GRIK2: variants seen among roughly 807,000 people sequenced by gnomAD.
GRIK2 encodes glutamate ionotropic receptor kainate type subunit 2, also known as glutamate receptor ionotropic, kainate 2.
A neutral mutation model predicts 100.3 loss-of-function variants in GRIK2; 32 were observed. That is an observed-to-expected ratio of 0.32 (90% CI 0.24 to 0.43). The LOEUF (loss-of-function observed/expected upper bound fraction) is 0.43. Among genes scored for constraint, GRIK2 ranks in the 20% least tolerant of loss-of-function variants. The pLI is 1.00. For synonymous variants in GRIK2, 417 were observed against 389.4 expected, an observed-to-expected ratio of 1.07 and a Z score of -0.83; for missense variants, 843 against 1,114.9, an observed-to-expected ratio of 0.76 and a Z score of 3.47.
At chr6:101,567,044 C>T (rs189669182) in intron 2 of GRIK2, among the ~76,000 whole-genome samples, 8 of 150,924 alleles carry the variant, frequency 5.3e-5, no homozygotes, top group Admixed American at 1.3e-4. Flanking sequence ...AATTACAGAG[C>T]GAGGAAGCTA....
At chr6:101,605,525 TA>T (rs1246137701) in intron 2 of GRIK2, among the ~76,000 whole-genome samples, 4 of 151,954 alleles carry the variant, frequency 2.6e-5, no homozygotes, top group Non-Finnish European at 5.9e-5. Flanking sequence ...GTATTTAAAA[TA>T]AAAAAAGCTT....
chr6:101,958,146 A>T (rs749406963), intron 14 of GRIK2, among the ~76,000 whole-genome samples: 7 of 152,118 alleles, frequency 4.6e-5, no homozygotes, highest in Non-Finnish European at 7.4e-5. Context: ...CTATGAGCAT[A>T]GAATGTTTTT....
chr6:101,939,907 G>A (rs1790854167), intron 14 of GRIK2, among the ~76,000 whole-genome samples: 2 of 152,006 alleles, frequency 1.3e-5, no homozygotes, highest in African/African-American at 2.4e-5. Flanking sequence ...TATTAAACAC[G>A]ACCTTTTTTA....
At chr6:101,992,587 C>T (rs760429639) in intron 14 of GRIK2, among the ~76,000 whole-genome samples, 8 of 151,174 alleles carry the variant, frequency 5.3e-5, no homozygotes, top group East Asian at 3.9e-4. Flanking sequence ...TTGGTAAAGA[C>T]GAAAAAAGAA....
chr6:101,439,668 A>G (rs983369490), intron 2 of GRIK2, among the ~76,000 whole-genome samples: 1 of 152,118 alleles, frequency 6.6e-6, no homozygotes, highest in East Asian at 1.9e-4. Context: ...GTAAATATGT[A>G]TATTGATAAT....
Position 101,856,812 on chromosome 6 carries a change from C to T in GRIK2, c.1318-2475C>T, listed in dbSNP as rs376632577. On this transcript the variant is annotated intron_variant, in intron 10 of 16. Coordinates refer to ENST00000369134, the MANE Select transcript of GRIK2 (RefSeq NM_021956.5). ...AATGCAGGCTGCAGTTTTGACCATG[C>T]GGAAGAGAGACTAGACTTCAATGAG... 7.7e-4 allele frequency among the ~76,000 whole-genome samples: 117 copies of T among 151,794 alleles called. 3 individuals carry two copies. The South Asian group carries it at 0.024, about 31-fold the overall frequency.
intron 12 of GRIK2, among the ~76,000 whole-genome samples, chr6:101,892,289 C>G (rs1321329524): frequency 6.6e-6 from 1 of 152,062 alleles, no homozygotes; most frequent in Non-Finnish European, 1.5e-5. Flanking sequence ...AAGTTAGATT[C>G]AAAGCAAATA....
At chr6:102,064,273 TCTCCTTCTCTTCTCCTTCTC>T (rs1165909240) in intron 16 of GRIK2, among the ~76,000 whole-genome samples, 1 of 149,230 alleles carries the variant, frequency 6.7e-6, no homozygotes, top group African/African-American at 2.4e-5. Flanking sequence ...TCCCTCTCCT[TCTCCTTCTCTTCTCCTTCTC>T]CTCCTTCTCC....
intron 15 of GRIK2, among the ~76,000 whole-genome samples, chr6:102,050,006 C>A (rs148091185): frequency 9.9e-5 from 15 of 152,064 alleles, no homozygotes; most frequent in Admixed American, 5.2e-4. Context: ...GAATAAGCCT[C>A]CCTCAGAATT....
intron 2 of GRIK2, among the ~76,000 whole-genome samples, chr6:101,620,637 G>T (rs971860127): frequency 5.3e-5 from 8 of 152,146 alleles, no homozygotes; most frequent in African/African-American, 1.9e-4. Flanking sequence ...ATTGCTAGAT[G>T]TGGAATAGCT....
chr6:101,467,124 T>C (rs1479032616), intron 2 of GRIK2, among the ~76,000 whole-genome samples: 1 of 152,168 alleles, frequency 6.6e-6, no homozygotes, highest in African/African-American at 2.4e-5. Context: ...TATGTTTTTA[T>C]TGTATAATTT....
intron 2 of GRIK2, among the ~76,000 whole-genome samples, chr6:101,512,374 T>A (rs983045809): frequency 2.0e-5 from 3 of 152,090 alleles, no homozygotes; most frequent in African/African-American, 7.2e-5. Context: ...GAAGATCTGA[T>A]TCTATAGTTT....
chr6:101,695,584 G>T (rs1449963380), intron 7 of GRIK2, among the ~76,000 whole-genome samples: 1 of 151,964 alleles, frequency 6.6e-6, no homozygotes, highest in East Asian at 1.9e-4. Context: ...TAGAAAGACA[G>T]TGTCACTGGT....
intron 14 of GRIK2, among the ~76,000 whole-genome samples, chr6:101,949,121 G>T (rs1791457118): frequency 1.3e-5 from 2 of 151,516 alleles, no homozygotes; most frequent in Admixed American, 6.6e-5. Context: ...GTTCTATCTT[G>T]TCTCATCATT....
At chr6:101,486,183 A>G (rs553906958) in intron 2 of GRIK2, among the ~76,000 whole-genome samples, 1 of 152,174 alleles carries the variant, frequency 6.6e-6, no homozygotes, top group South Asian at 2.1e-4. Context: ...AACAAGAACA[A>G]CTTAAGTAAA....
intron 7 of GRIK2, among the ~76,000 whole-genome samples, chr6:101,696,811 G>A (rs1396569488): frequency 1.3e-5 from 2 of 151,788 alleles, no homozygotes; most frequent in Non-Finnish European, 2.9e-5. Context: ...GAATCCTTAA[G>A]CATCTAAAGG....
intron 7 of GRIK2, among the ~76,000 whole-genome samples, chr6:101,737,830 G>T (rs1374264979): frequency 6.6e-6 from 1 of 152,106 alleles, no homozygotes; most frequent in East Asian, 1.9e-4. Flanking sequence ...GGCTGTAGAT[G>T]TGAAAGAGAA....
At chr6:101,479,429 T>C (rs1204097085) in intron 2 of GRIK2, among the ~76,000 whole-genome samples, 1 of 152,170 alleles carries the variant, frequency 6.6e-6, no homozygotes, top group African/African-American at 2.4e-5. Context: ...TCATTTATTA[T>C]CATGGCGATT....
rs78974019 is a variant in GRIK2, at chr6:102,037,832, G to T, written c.2311+2266G>T. 6.6e-3 allele frequency among the ~76,000 whole-genome samples: 1,005 copies of T among 151,346 alleles called. 19 individuals are homozygous for T. The highest frequency in any genetic ancestry group is 0.023 in the African/African-American group (965 of 41,414). On this transcript the variant is annotated intron_variant, in intron 15 of 16. Coordinates refer to ENST00000369134, the MANE Select transcript of GRIK2 (RefSeq NM_021956.5). Reference sequence around the variant, plus strand: ...ATGGTTCTTTCCCTCAATAAGAAATGCATACTGAACCCAGAAACTTCATGA... The same window carrying T: ...ATGGTTCTTTCCCTCAATAAGAAATTCATACTGAACCCAGAAACTTCATGA...
Sources: gnomAD v4.1 joint callset for allele counts (sites outside exome capture counted in the v4.1 genomes callset) on GRCh38, gnomAD v4.1.1 for gene constraint, MANE v1.5 for transcripts, NCBI Gene and HGNC (gene_info 2026-07-23, HGNC 2026-07-21) for gene names.